Variants in ZDHHC17 observed in about 807,000 individuals in gnomAD.
ZDHHC17 encodes the protein zDHHC palmitoyltransferase 17.
A neutral mutation model predicts 90.3 loss-of-function variants in ZDHHC17; 40 were observed. That is an observed-to-expected ratio of 0.44 (90% CI 0.34 to 0.58). ZDHHC17 has a LOEUF of 0.58. Ranked by LOEUF, ZDHHC17 falls within the 20% of genes least tolerant of loss-of-function variation. The pLI, the probability that ZDHHC17 is intolerant of heterozygous loss-of-function variation, is 0.01. For synonymous variants in ZDHHC17, 235 were observed against 252.4 expected (o/e 0.93, Z 0.65); for missense variants, 614 against 780.8 (o/e 0.79, Z 2.55).
At chr12:76,770,794 G>A (rs1952482596) in intron 1 of ZDHHC17, among the ~76,000 whole-genome samples, 1 of 151,900 alleles carries the variant, frequency 6.6e-6, no homozygotes, top group African/African-American at 2.4e-5. Flanking sequence ...AAAATTAGCC[G>A]GGCATGGGGG....
At chr12:76,815,123 T>G (rs1314969426) in intron 5 of ZDHHC17, 23 bp from the exon 6 acceptor site, 15 of 1,520,234 alleles carry the variant, frequency 9.9e-6, no homozygotes, top group Non-Finnish European at 1.2e-5. Flanking sequence ...ACTGTCTGAC[T>G]TTTTTTCTTT....
intron 10 of ZDHHC17, 82 bp from the exon 11 acceptor site, chr12:76,841,900 T>C (rs993563923): frequency 9.0e-7 from 1 of 1,114,090 alleles, no homozygotes; most frequent in African/African-American, 1.6e-5. Flanking sequence ...GTAGGTGTTT[T>C]GTAAAATTTT....
intron 5 of ZDHHC17, among the ~76,000 whole-genome samples, 166 bp downstream of exon 5, chr12:76,810,023 C>A (rs1024562014): frequency 6.6e-6 from 1 of 152,102 alleles, no homozygotes; most frequent in Admixed American, 6.6e-5. Flanking sequence ...ATGTACCTAA[C>A]ATAAAAGCCA....
chr12:76,839,265 A>G (rs1315404761), intron 10 of ZDHHC17, among the ~76,000 whole-genome samples: 2 of 152,226 alleles, frequency 1.3e-5, no homozygotes, highest in African/African-American at 4.8e-5. Flanking sequence ...ATGGGTGAGA[A>G]TTCACATCTA....
At chr12:76,775,750 A>G (rs969395331) in intron 1 of ZDHHC17, among the ~76,000 whole-genome samples, 2 of 152,198 alleles carry the variant, frequency 1.3e-5, no homozygotes, top group Admixed American at 1.3e-4. Flanking sequence ...CTGTTGTTTT[A>G]TAATCTTTAC....
chr12:76,823,339 T>C (rs1316759157), intron 8 of ZDHHC17, among the ~76,000 whole-genome samples: 1 of 152,228 alleles, frequency 6.6e-6, no homozygotes, highest in Non-Finnish European at 1.5e-5. Context: ...GACCTTTCTA[T>C]GGAAAACTCA....
At chr12:76,796,365 A>G (rs1308395510) in intron 1 of ZDHHC17, among the ~76,000 whole-genome samples, 1 of 152,158 alleles carries the variant, frequency 6.6e-6, no homozygotes, top group African/African-American at 2.4e-5. Flanking sequence ...TTTATATAAA[A>G]GAAACAATTG....
rs1217702634 is a variant in ZDHHC17 at position 76,853,684 on chromosome 12, TACTG to T, written c.*2703_*2706del. Reference sequence around the variant, plus strand: ...TTTGTAAAATATTAATCAGAATAAATACTGACTCTTAAGTGTGTGCTTATGATTT... The same window carrying T: ...TTTGTAAAATATTAATCAGAATAAATACTCTTAAGTGTGTGCTTATGATTT... On this transcript the variant is annotated 3_prime_UTR_variant, in exon 17 of 17. Coordinates refer to ENST00000426126, the MANE Select transcript of ZDHHC17 (RefSeq NM_015336.4). 7.2e-5 allele frequency: 11 copies of T among 152,452 alleles called. No individual in the cohort carries two copies. Among genetic ancestry groups the T allele is most frequent in the African/African-American group, 2.4e-4 (10 of 41,428 alleles). The allele number at this position is 152,452 out of a possible 1,614,324, so 9.4% of individuals were successfully genotyped here. A position where few individuals can be genotyped will look rare whatever the true frequency, so the allele number is the denominator to read the frequency against.
intron 1 of ZDHHC17, among the ~76,000 whole-genome samples, chr12:76,787,822 T>C (rs1207770720): frequency 6.6e-6 from 1 of 152,212 alleles, no homozygotes; most frequent in Admixed American, 6.5e-5. Context: ...AAATGATTTA[T>C]ATAGATCCAT....
intron 1 of ZDHHC17, among the ~76,000 whole-genome samples, chr12:76,793,812 G>T (rs1302538485): frequency 6.6e-6 from 1 of 152,130 alleles, no homozygotes; most frequent in Non-Finnish European, 1.5e-5. Flanking sequence ...TTTTAAATTA[G>T]TATTGCTTTT....
rs1382546682 is a variant in ZDHHC17 at position 76,852,157 on chromosome 12, A to G, written c.*1172A>G. On this transcript the variant is annotated 3_prime_UTR_variant, in exon 17 of 17. Coordinates refer to ENST00000426126, the MANE Select transcript of ZDHHC17 (RefSeq NM_015336.4). ...TGATGCACTGATCAATTTTTGTCAC[A>G]GCATTTTCATACCTTCATGGTGGAC... 11 of 152,670 alleles carry G rather than the reference A, an allele frequency of 7.2e-5. No homozygotes were observed. Among genetic ancestry groups the G allele is most frequent in the Admixed American group, 7.2e-4 (11 of 15,286 alleles). The allele number at this position is 152,670 out of a possible 1,614,324, so 9.5% of individuals were successfully genotyped here. A position where few individuals can be genotyped will look rare whatever the true frequency, so the allele number is the denominator to read the frequency against.
At chr12:76,802,006 T>C (rs1390617851) in intron 2 of ZDHHC17, among the ~76,000 whole-genome samples, 1 of 152,244 alleles carries the variant, frequency 6.6e-6, no homozygotes, top group Non-Finnish European at 1.5e-5. Context: ...TACGTCATAC[T>C]AGGTTTTGTA....
chr12:76,796,714 T>G (rs1020511318), intron 1 of ZDHHC17, among the ~76,000 whole-genome samples: 1 of 152,196 alleles, frequency 6.6e-6, no homozygotes, highest in Non-Finnish European at 1.5e-5. Flanking sequence ...CTTTAGGGCC[T>G]TAGAGTTTAT....
chr12:76,811,641 TC>T (rs1403058497), intron 5 of ZDHHC17, among the ~76,000 whole-genome samples: 15 of 152,120 alleles, frequency 9.9e-5, no homozygotes, highest in Non-Finnish European at 8.8e-5. Flanking sequence ...AAATTTTTTT[TC>T]TGCACACAAA....
At chr12:76,796,144 C>T (rs888406178) in intron 1 of ZDHHC17, among the ~76,000 whole-genome samples, 1 of 152,124 alleles carries the variant, frequency 6.6e-6, no homozygotes. Context: ...GCTTTTTCCT[C>T]TAGTAAAATA....
intron 7 of ZDHHC17, among the ~76,000 whole-genome samples, chr12:76,817,660 G>A (rs1349013544): frequency 2.0e-5 from 3 of 152,044 alleles, no homozygotes; most frequent in African/African-American, 7.2e-5. Context: ...TTTGAGGTAT[G>A]TTTTTAAATT....
intron 10 of ZDHHC17, among the ~76,000 whole-genome samples, chr12:76,831,717 G>T (rs905480186): frequency 6.6e-6 from 1 of 152,126 alleles, no homozygotes. Context: ...CACAATCATG[G>T]CTCACTGCTG....
chr12:76,800,698 C>A (rs1555183453), intron 2 of ZDHHC17, among the ~76,000 whole-genome samples: 3 of 151,986 alleles, frequency 2.0e-5, no homozygotes, highest in Non-Finnish European at 4.4e-5. Context: ...CATGGAATTT[C>A]TTTTTTCATC....
At chr12:76,825,800 C>T (rs983751698) in intron 8 of ZDHHC17, among the ~76,000 whole-genome samples, 6 of 152,066 alleles carry the variant, frequency 3.9e-5, no homozygotes, top group African/African-American at 1.4e-4. Flanking sequence ...AGTGTTCATA[C>T]TCTGCTTTGT....
Sources: allele counts gnomAD v4.1 joint callset (sites outside exome capture counted in the v4.1 genomes callset), GRCh38; gene constraint gnomAD v4.1.1; transcripts MANE v1.5; gene names NCBI Gene and HGNC (gene_info 2026-07-23, HGNC 2026-07-21).